The following PRRC2B variants were observed in gnomAD, a reference collection of about 807,000 sequenced individuals.
The protein encoded by PRRC2B is protein PRRC2B.
PRRC2B carries 68 observed loss-of-function variants against 242.3 expected under a neutral mutation model. The observed-to-expected ratio is 0.28, with a 90% CI of 0.23 to 0.34. The LOEUF (loss-of-function observed/expected upper bound fraction) is 0.34. Ranked by LOEUF, PRRC2B falls within the 10% of genes least tolerant of loss-of-function variation. The pLI is 1.00. For synonymous variants in PRRC2B, 1,228 were observed against 1,173.6 expected (o/e 1.05, Z -0.95); for missense variants, 2,835 against 2,954.8 (o/e 0.96, Z 0.94).
At chr9:131,379,301 A>G (rs769787204) in intron 1 of PRRC2B, among the ~76,000 whole-genome samples, 1 of 152,186 alleles carries the variant, frequency 6.6e-6, no homozygotes. Flanking sequence ...GTGTTGGGGT[A>G]TATATCCAGG....
intron 14 of PRRC2B, among the ~76,000 whole-genome samples, 163 bp downstream of exon 14, chr9:131,471,146 A>G (rs940629228): frequency 1.1e-4 from 17 of 152,264 alleles, no homozygotes; most frequent in Non-Finnish European, 1.5e-5. Context: ...AAGTGTAGGT[A>G]CAATAATAGT....
chr9:131,376,222 C>T (rs751134148), intron 1 of PRRC2B, among the ~76,000 whole-genome samples: 13 of 151,536 alleles, frequency 8.6e-5, no homozygotes, highest in African/African-American at 2.9e-4. Flanking sequence ...GGTATGGTGG[C>T]GCGCGTCTGT....
rs1041532459 is a variant in PRRC2B, at chr9:131,482,110, T to C, written c.4984-261T>C. ...GGTGTCAGCAGCCACGTAGTCTGGT[T>C]TGGGTCACAAGTGAGATGGGTTTGG... is the stretch of plus-strand genomic sequence containing the variant. On this transcript the variant is annotated intron_variant, in intron 20 of 31. Transcript: ENST00000683519. This position sits in a 1 kb window ranked among gnomAD's most constrained non-coding sequence, Gnocchi z 5.2. Among the ~76,000 whole-genome samples the C allele has an allele frequency of 3.9e-4, 59 of 152,118 alleles. No individual in the cohort carries two copies. The highest frequency in any genetic ancestry group is 5.2e-4 in the Admixed American group (8 of 15,276).
chr9:131,450,237 C>T (rs1942868177), intron 9 of PRRC2B, among the ~76,000 whole-genome samples: 1 of 151,876 alleles, frequency 6.6e-6, no homozygotes, highest in African/African-American at 2.4e-5. Context: ...TATGTTGAAT[C>T]TGTATCAACA....
intron 1 of PRRC2B, among the ~76,000 whole-genome samples, chr9:131,386,237 G>A (rs1836824649): frequency 1.3e-5 from 2 of 149,856 alleles, no homozygotes; most frequent in South Asian, 2.1e-4. Context: ...CTCAGCCTCC[G>A]GAATAGCTGG....
At chr9:131,491,723 G>A in intron 29 of PRRC2B, 143 bp downstream of exon 29, 1 of 801,162 alleles carries the variant, frequency 1.2e-6, no homozygotes, top group Non-Finnish European at 1.9e-6. Context: ...CCATGTGTGG[G>A]GCCATCACAG....
chr9:131,399,406 C>T (rs1027716156), intron 1 of PRRC2B, among the ~76,000 whole-genome samples: 5 of 151,874 alleles, frequency 3.3e-5, no homozygotes, highest in African/African-American at 1.2e-4. Context: ...GATGAAACCC[C>T]GTGTCTACTA....
intron 1 of PRRC2B, among the ~76,000 whole-genome samples, chr9:131,385,418 G>A (rs1836814172): frequency 6.7e-6 from 1 of 149,742 alleles, no homozygotes; most frequent in South Asian, 2.1e-4. Flanking sequence ...CTCACTGGCA[G>A]CCTCAGACCA....
chr9:131,397,307 A>G (rs1371820365), intron 1 of PRRC2B, among the ~76,000 whole-genome samples: 2 of 152,186 alleles, frequency 1.3e-5, no homozygotes, highest in African/African-American at 2.4e-5. Context: ...CATCTCGTAC[A>G]GTGGCCGTCT....
chr9:131,380,886 C>CAAAAA lies in PRRC2B; in HGVS notation c.-56+7164_-56+7168dup, dbSNP rs61180556. ...GTGTGACAGTGTGAGATTCTGTCTC[C>CAAAAA]AAAAAAAAAAAAAGAGTGATTTGTA... On this transcript the variant is annotated intron_variant, in intron 1 of 1. Coordinates refer to the PRRC2B transcript ENST00000682525. Among the ~76,000 whole-genome samples, 236 of 108,330 alleles carry CAAAAA rather than the reference C, an allele frequency of 2.2e-3. 10 individuals carry two copies. Among genetic ancestry groups the CAAAAA allele is most frequent in the African/African-American group, 6.6e-3 (193 of 29,142 alleles). The allele number at this position is 108,330 out of a possible 152,430, so 71.1% of individuals were successfully genotyped here.
chr9:131,375,129 G>A (rs1836667639), intron 1 of PRRC2B, among the ~76,000 whole-genome samples: 1 of 152,188 alleles, frequency 6.6e-6, no homozygotes. Flanking sequence ...CTGGCCGGGT[G>A]CTGTGGCTCA....
intron 1 of PRRC2B, among the ~76,000 whole-genome samples, chr9:131,406,625 T>C (rs1837368247): frequency 6.6e-6 from 1 of 152,202 alleles, no homozygotes; most frequent in Non-Finnish European, 1.5e-5. Context: ...CTGCCCCAAA[T>C]GGATACGGAA....
intron 5 of PRRC2B, among the ~76,000 whole-genome samples, chr9:131,443,553 C>T (rs984175829): frequency 1.3e-5 from 2 of 152,058 alleles, no homozygotes; most frequent in African/African-American, 4.8e-5. Context: ...CCCACCCCAG[C>T]CTCCTGAGTA....
chr9:131,489,479 T>C (rs1199250509), intron 28 of PRRC2B, among the ~76,000 whole-genome samples: 2 of 152,020 alleles, frequency 1.3e-5, no homozygotes, highest in Admixed American at 6.6e-5. Flanking sequence ...CCACACCCAG[T>C]CTCTGCCACC....
rs899238152 is a variant in PRRC2B at position 131,465,042 on chromosome 9, G to C, written c.1684G>C (p.Ala562Pro). The change falls in exon 12 of 32, where the codon GCA becomes CCA. Residue 562 changes from alanine (A) to proline (P), a missense_variant. Coordinates refer to ENST00000683519, the MANE Select transcript of PRRC2B (RefSeq NM_013318.4). Reference sequence around the variant, plus strand: ...GCCCTGGTCTCCAAGTGCTGAGAAGGCATCTCCCCAGGAAAACGGCCCTGC... The same window carrying C: ...GCCCTGGTCTCCAAGTGCTGAGAAGCCATCTCCCCAGGAAAACGGCCCTGC... ...EVPWSPSAEK[A>P]SPQENGPAVH... 1.9e-6 allele frequency: 3 copies of C among 1,613,812 alleles called. No homozygotes were observed. Among genetic ancestry groups the C allele is most frequent in the Admixed American group, 1.7e-5 (1 of 60,000 alleles).
intron 20 of PRRC2B, 39 bp downstream of exon 20, chr9:131,481,847 AGT>A: frequency 6.7e-7 from 1 of 1,496,288 alleles, no homozygotes; most frequent in Non-Finnish European, 9.0e-7. Flanking sequence ...CCCTGGGATG[AGT>A]GTGTGAGTGT....
At chr9:131,412,289 T>C (rs1450576250) in intron 1 of PRRC2B, among the ~76,000 whole-genome samples, 2 of 152,204 alleles carry the variant, frequency 1.3e-5, no homozygotes, top group Non-Finnish European at 2.9e-5. Flanking sequence ...TGCTGCTTGC[T>C]CTTTTGTGTC....
chr9:131,481,756 C>T lies in PRRC2B; in HGVS notation c.4931C>T (p.Ser1644Phe), dbSNP rs1433193271. ...ALPVQAPAND[S>F]WRKAVTAFSS... ...CCTGTGCAGGCCCCAGCCAACGACTCCTGGAGGAAAGCTGTCACTGCCTTC... is the reference window on the plus strand; with the variant it reads ...CCTGTGCAGGCCCCAGCCAACGACTTCTGGAGGAAAGCTGTCACTGCCTTC... Residue 1644 changes from serine to phenylalanine, a missense_variant, in exon 20 of 32, where the codon TCC (serine) becomes TTC (phenylalanine). Transcript: ENST00000683519. The T allele has an allele frequency of 1.3e-6, 2 of 1,566,620 alleles. No individual in the cohort carries two copies. Among genetic ancestry groups the T allele is most frequent in the East Asian group, 2.4e-5 (1 of 42,016 alleles).
intron 1 of PRRC2B, among the ~76,000 whole-genome samples, chr9:131,387,607 G>A (rs1248487807): frequency 6.7e-6 from 1 of 149,840 alleles, no homozygotes; most frequent in East Asian, 2.0e-4. Context: ...CATCAAATAA[G>A]ACAGATGCGG....
Sources: allele counts gnomAD v4.1 joint callset (sites outside exome capture counted in the v4.1 genomes callset), GRCh38; gene constraint gnomAD v4.1.1; non-coding constraint Gnocchi (gnomAD v3.1); transcripts MANE v1.5; gene names NCBI Gene and HGNC (gene_info 2026-07-23, HGNC 2026-07-21).